RUNX1: variants seen among roughly 807,000 people sequenced by gnomAD.
The protein encoded by RUNX1 is RUNX family transcription factor 1.
In RUNX1, 19 loss-of-function variants were observed where a neutral mutation model predicts 42.8. The observed-to-expected ratio is 0.44, with a 90% CI of 0.31 to 0.65. The LOEUF (loss-of-function observed/expected upper bound fraction) is 0.65, where lower values mean the gene tolerates loss of function less well. Ranked by LOEUF, RUNX1 falls within the 30% of genes least tolerant of loss-of-function variation. The pLI is 0.07. For synonymous variants in RUNX1, 271 were observed against 289.4 expected, an observed-to-expected ratio of 0.94 and a Z score of 0.64; for missense variants, 528 against 672.0, an observed-to-expected ratio of 0.79 and a Z score of 2.37.
chr21:35,023,719 G>GA (rs1183812549), intron 2 of RUNX1, among the ~76,000 whole-genome samples: 1 of 152,150 alleles, frequency 6.6e-6, no homozygotes, highest in Admixed American at 6.5e-5. Flanking sequence ...GGTGGGAAAT[G>GA]AAAGGGGGGC....
intron 5 of RUNX1, among the ~76,000 whole-genome samples, chr21:34,879,558 T>C (rs1446080495): frequency 6.6e-6 from 1 of 152,164 alleles, no homozygotes; most frequent in Non-Finnish European, 1.5e-5. Context: ...GTTTGATTGG[T>C]GCTTCCATTT....
intron 2 of RUNX1, among the ~76,000 whole-genome samples, chr21:35,010,258 A>G (rs900924784): frequency 6.6e-6 from 1 of 152,190 alleles, no homozygotes; most frequent in African/African-American, 2.4e-5. Context: ...AGCTCCAAAA[A>G]CATTATTTTT....
At chr21:34,977,229 C>T (rs747475846) in intron 2 of RUNX1, among the ~76,000 whole-genome samples, 4 of 152,198 alleles carry the variant, frequency 2.6e-5, no homozygotes, top group African/African-American at 7.2e-5. Context: ...GTAGTCTACA[C>T]GGTGTTGAAT....
intron 2 of RUNX1, among the ~76,000 whole-genome samples, chr21:34,992,132 C>G (rs1019718221): frequency 2.6e-5 from 4 of 152,238 alleles, no homozygotes; most frequent in Non-Finnish European, 5.9e-5. Context: ...AAGTAACGCA[C>G]CCCCTCTCAG....
At chr21:34,950,890 G>C (rs2058602159) in intron 2 of RUNX1, among the ~76,000 whole-genome samples, 1 of 152,180 alleles carries the variant, frequency 6.6e-6, no homozygotes, top group Admixed American at 6.5e-5. Context: ...TTTAGGGGAG[G>C]CACTGACACT....
intron 2 of RUNX1, among the ~76,000 whole-genome samples, chr21:34,996,976 T>C (rs147275608): frequency 0.031 from 4,778 of 152,324 alleles, 116 homozygotes; most frequent in South Asian, 0.045. Flanking sequence ...ACATCTGAGA[T>C]GAAAAACTAA....
chr21:34,905,660 T>G (rs959479699), intron 2 of RUNX1, among the ~76,000 whole-genome samples: 5 of 152,202 alleles, frequency 3.3e-5, no homozygotes, highest in African/African-American at 1.2e-4. Flanking sequence ...ATTAGGAAAT[T>G]TGGATACAAA....
chr21:34,814,583 G>T (rs1346839927), intron 7 of RUNX1, among the ~76,000 whole-genome samples: 1 of 152,154 alleles, frequency 6.6e-6, no homozygotes, highest in Non-Finnish European at 1.5e-5. Context: ...GCAAGCTTTG[G>T]CCTGGCTGTC....
intron 7 of RUNX1, among the ~76,000 whole-genome samples, chr21:34,816,878 G>A (rs934460729): frequency 3.3e-5 from 5 of 152,156 alleles, no homozygotes; most frequent in Admixed American, 6.5e-5. Context: ...AATGAGCTTC[G>A]GAAGAATGGA....
At chr21:34,988,458 C>T (rs2058909007) in intron 2 of RUNX1, among the ~76,000 whole-genome samples, 1 of 152,204 alleles carries the variant, frequency 6.6e-6, no homozygotes, top group Non-Finnish European at 1.5e-5. Flanking sequence ...GCCCAGCCTG[C>T]TGTCCTGCTG....
At chr21:35,044,392 A>G (rs910977332) in intron 2 of RUNX1, among the ~76,000 whole-genome samples, 1 of 152,174 alleles carries the variant, frequency 6.6e-6, no homozygotes, top group African/African-American at 2.4e-5. Context: ...ATAACTGAAC[A>G]TTGATAGCCA....
intron 2 of RUNX1, among the ~76,000 whole-genome samples, chr21:34,910,203 A>G (rs73373765): frequency 0.045 from 6,806 of 152,252 alleles, 191 homozygotes; most frequent in African/African-American, 0.075. Flanking sequence ...CTTCTGTTGC[A>G]GGGAAACCAC....
intron 2 of RUNX1, among the ~76,000 whole-genome samples, chr21:34,922,665 T>C (rs1340941712): frequency 1.3e-5 from 2 of 152,142 alleles, no homozygotes; most frequent in African/African-American, 2.4e-5. Flanking sequence ...GTCACCACAA[T>C]TGCCTGCTGG....
intron 2 of RUNX1, among the ~76,000 whole-genome samples, chr21:35,026,063 A>G (rs2059234014): frequency 6.6e-6 from 1 of 152,158 alleles, no homozygotes; most frequent in Non-Finnish European, 1.5e-5. Context: ...GTCTCTTCCA[A>G]AGGGACTCAA....
intron 5 of RUNX1, among the ~76,000 whole-genome samples, chr21:34,872,654 C>T (rs2057756418): frequency 6.6e-6 from 1 of 152,130 alleles, no homozygotes; most frequent in Non-Finnish European, 1.5e-5. Flanking sequence ...AAACATTTTA[C>T]AACCTATGCA....
At chr21:34,805,796 T>C (rs758189510) in intron 7 of RUNX1, among the ~76,000 whole-genome samples, 1 of 152,180 alleles carries the variant, frequency 6.6e-6, no homozygotes, top group Non-Finnish European at 1.5e-5. Flanking sequence ...TCTTAACTGA[T>C]CTGAAAGATA....
intron 3 of RUNX1, among the ~76,000 whole-genome samples, chr21:34,889,001 G>C (rs1334453993): frequency 1.5e-4 from 22 of 151,372 alleles, no homozygotes; most frequent in Admixed American, 1.4e-3. Flanking sequence ...AGGCTTGTGC[G>C]GCTCCGCGAG....
At chr21:34,798,161 C>T (rs2056556952) in intron 8 of RUNX1, 1 of 456,418 alleles carries the variant, frequency 2.2e-6, no homozygotes, top group African/African-American at 2.0e-5. Flanking sequence ...TGCCTGCCCC[C>T]TAATCTGCTA....
intron 2 of RUNX1, among the ~76,000 whole-genome samples, chr21:34,946,082 C>T (rs1407999830): frequency 6.6e-6 from 1 of 152,186 alleles, no homozygotes; most frequent in Non-Finnish European, 1.5e-5. Context: ...TAACAAGTGA[C>T]TGTCCCACTT....
Sources: gnomAD v4.1 joint callset for allele counts (sites outside exome capture counted in the v4.1 genomes callset) on GRCh38, gnomAD v4.1.1 for gene constraint, MANE v1.5 for transcripts, NCBI Gene and HGNC (gene_info 2026-07-23, HGNC 2026-07-21) for gene names.